Variants in EPS15 observed in about 807,000 individuals in gnomAD.
EPS15 encodes epidermal growth factor receptor substrate 15.
Under a neutral mutation model 113.8 loss-of-function variants are expected in EPS15, and 72 were observed. The observed-to-expected ratio is 0.63, with a 90% CI of 0.52 to 0.77. The LOEUF is 0.77. EPS15 is among the 30% of genes least tolerant of loss of function. EPS15 has a pLI of 0.00. For synonymous variants in EPS15, 344 were observed against 363.4 expected (o/e 0.95, Z 0.61); for missense variants, 1,048 against 1,045.8 (o/e 1.00, Z -0.03).
intron 12 of EPS15, chr1:51,422,106 G>A: frequency 9.0e-7 from 1 of 1,113,736 alleles, no homozygotes; most frequent in Non-Finnish European, 1.1e-6. Flanking sequence ...AAAAAAGGAA[G>A]AGGAGAAAAA....
At chr1:51,465,803 TA>T (rs1654802354) in intron 5 of EPS15, among the ~76,000 whole-genome samples, 1 of 151,992 alleles carries the variant, frequency 6.6e-6, no homozygotes, top group South Asian at 2.1e-4. Flanking sequence ...ACTACATGCC[TA>T]AACATAAAAG....
chr1:51,358,709 G>GTTTTTTTT (rs71063028), intron 24 of EPS15, among the ~76,000 whole-genome samples: 2 of 121,376 alleles, frequency 1.6e-5, no homozygotes, highest in Non-Finnish European at 1.8e-5. Context: ...GTTTTTTTTT[G>GTTTTTTTT]TTTTTTTTTT....
chr1:51,508,792 A>G (rs571913897), intron 1 of EPS15, among the ~76,000 whole-genome samples: 1 of 152,310 alleles, frequency 6.6e-6, no homozygotes, highest in Admixed American at 6.5e-5. Flanking sequence ...AAAAAAAGAT[A>G]AAACAAGGAA....
At chr1:51,421,711 T>C (rs1388274411) in intron 13 of EPS15, 75 bp downstream of exon 13, 1 of 822,606 alleles carries the variant, frequency 1.2e-6, no homozygotes. Flanking sequence ...ATCCAGCAAA[T>C]AGTAAATAAC....
Position 51,445,030 on chromosome 1 carries a change from T to C in EPS15, c.813A>G (p.Thr271=), listed in dbSNP as rs374367002. Residue 271 remains threonine, a synonymous_variant, in exon 11 of 25, where the codon ACA becomes ACG. Coordinates refer to ENST00000371733, the MANE Select transcript of EPS15 (RefSeq NM_001981.3). ...CCTTTGAAAGCTTCCCACAGTCCTT[T>C]GTGTCGCATAATGACCTGCACAAAT... is the stretch of plus-strand genomic sequence containing the variant. The part of the protein sequence containing the change: ...LLAHIWSLCD[T]KDCGKLSKDQ... 1 of 1,613,738 alleles carries C rather than the reference T, an allele frequency of 6.2e-7. No homozygotes were observed. Among genetic ancestry groups the C allele is most frequent in the South Asian group, 1.1e-5 (1 of 91,038 alleles).
chr1:51,355,678 G>A lies in EPS15; in HGVS notation c.*1022C>T, dbSNP rs1646202243. 5.4e-6 allele frequency: 1 copy of A among 186,174 alleles called. No individual in the cohort carries two copies. Among genetic ancestry groups the A allele is most frequent in the African/African-American group, 2.4e-5 (1 of 41,920 alleles). 11.5% of individuals were successfully genotyped at this position (186,174 alleles called of 1,614,324 possible). ...ATCACTTTTTCTATTTGTATTCAGTGAAAGTTTTTACATTTCAAGTAAATG... is the reference window on the plus strand; with the variant it reads ...ATCACTTTTTCTATTTGTATTCAGTAAAAGTTTTTACATTTCAAGTAAATG... On this transcript the variant is annotated 3_prime_UTR_variant, in exon 25 of 25. Transcript: ENST00000371733.
chr1:51,405,231 C>T (rs1360153006), intron 16 of EPS15, among the ~76,000 whole-genome samples: 1 of 152,132 alleles, frequency 6.6e-6, no homozygotes, highest in African/African-American at 2.4e-5. Flanking sequence ...GTCTCTGTAG[C>T]TCTTATATTA....
chr1:51,402,651 A>AGGTGTGAG, intron 17 of EPS15, 126 bp from the exon 18 acceptor site: 1 of 514,150 alleles, frequency 1.9e-6, no homozygotes, highest in South Asian at 2.8e-5. Context: ...TGGGCCAGGC[A>AGGTGTGAG]CGGTGGCTCA....
chr1:51,481,121 C>A, intron 2 of EPS15, 152 bp downstream of exon 2: 2 of 634,682 alleles, frequency 3.2e-6, no homozygotes, highest in Non-Finnish European at 2.8e-6. Context: ...TTGTCAAATG[C>A]ATTAAGTACT....
chr1:51,494,695 G>C (rs1644296443), intron 1 of EPS15, among the ~76,000 whole-genome samples: 1 of 152,226 alleles, frequency 6.6e-6, no homozygotes, highest in South Asian at 2.1e-4. Context: ...GGAAGGATCT[G>C]TTCCAGGCCT....
chr1:51,426,992 G>A (rs114585824), intron 12 of EPS15, among the ~76,000 whole-genome samples: 4,850 of 151,534 alleles, frequency 0.032, 127 homozygotes, highest in Non-Finnish European at 0.05. Flanking sequence ...AATTATATAG[G>A]GGTCATCAAA....
intron 1 of EPS15, among the ~76,000 whole-genome samples, chr1:51,504,184 G>A (rs12066241): frequency 0.063 from 9,584 of 152,118 alleles, 963 homozygotes; most frequent in African/African-American, 0.21. Flanking sequence ...AGGCGAAAGC[G>A]AGCATGTTGC....
Position 51,408,179 on chromosome 1 carries a change from G to A in EPS15, c.1429C>T (p.Pro477Ser). The A allele has an allele frequency of 2.5e-6, 4 of 1,614,064 alleles. No homozygotes were observed. Among genetic ancestry groups the A allele is most frequent in the Non-Finnish European group, 3.4e-6 (4 of 1,179,978 alleles). The stretch of plus-strand genomic sequence containing the variant: ...GAATCTTGTAGGTGCTGCTGAAGAG[G>A]TTCCAACTGAGCCTTCCCTGACTCT... Reference protein sequence around the residue: ...SVESGKAQLEPLQQHLQDSQQ... With the variant: ...SVESGKAQLESLQQHLQDSQQ... Residue 477 changes from proline (P) to serine (S), a missense_variant, in exon 15 of 25, where the codon CCT becomes TCT. Pro to Ser is a moderately conservative substitution (Grantham distance 74, BLOSUM62 -1). Transcript: ENST00000371733.
intron 21 of EPS15, among the ~76,000 whole-genome samples, chr1:51,382,580 G>A (rs142031935): frequency 0.04 from 6,068 of 151,902 alleles, 192 homozygotes; most frequent in Middle Eastern, 0.11. Context: ...CACCACGCCT[G>A]GCTCATTTTT....
chr1:51,480,405 G>T (rs1643998683), intron 2 of EPS15, among the ~76,000 whole-genome samples: 1 of 152,218 alleles, frequency 6.6e-6, no homozygotes, highest in Non-Finnish European at 1.5e-5. Flanking sequence ...AGAGGTAGAG[G>T]TTAATAGAAA....
intron 21 of EPS15, 171 bp downstream of exon 21, chr1:51,394,210 A>T: frequency 2.1e-6 from 1 of 471,336 alleles, no homozygotes; most frequent in South Asian, 3.8e-5. Flanking sequence ...AGAATGAAAG[A>T]TAAGTAGAAA....
At chr1:51,449,783 TGCTGCTGACTG>T (rs1653385194) in intron 8 of EPS15, among the ~76,000 whole-genome samples, 1 of 151,548 alleles carries the variant, frequency 6.6e-6, no homozygotes, top group Non-Finnish European at 1.5e-5. Flanking sequence ...AATGGGTGCT[TGCTGCTGACTG>T]GCTGAGGGTG....
intron 1 of EPS15, among the ~76,000 whole-genome samples, chr1:51,493,088 A>G (rs1219529352): frequency 3.4e-5 from 5 of 145,716 alleles, no homozygotes; most frequent in Non-Finnish European, 7.6e-5. Flanking sequence ...AAGGCCAGGC[A>G]CAGTGGCTCA....
intron 12 of EPS15, chr1:51,422,202 G>T: frequency 3.2e-6 from 1 of 313,232 alleles, no homozygotes; most frequent in Non-Finnish European, 5.2e-6. Flanking sequence ...AGAAAAGGAG[G>T]GGTTGCATCA....
Sources: gnomAD v4.1 joint callset for allele counts (sites outside exome capture counted in the v4.1 genomes callset) on GRCh38, gnomAD v4.1.1 for gene constraint, MANE v1.5 for transcripts, NCBI Gene and HGNC (gene_info 2026-07-23, HGNC 2026-07-21) for gene names.